FREM3: variants seen among roughly 807,000 people sequenced by gnomAD.
FREM3 encodes the protein FRAS1 related extracellular matrix 3.
Under a neutral mutation model 129.1 loss-of-function variants are expected in FREM3, and 105 were observed. The observed-to-expected ratio is 0.81, with a 90% CI of 0.69 to 0.96. The LOEUF is 0.96. Among genes scored for constraint, FREM3 ranks in the 40% least tolerant of loss-of-function variants. The pLI is 0.00. For missense variants in FREM3, 2,593 were observed against 2,666.3 expected (o/e 0.97, Z 0.61); for synonymous variants, 1,014 against 1,044.9 (o/e 0.97, Z 0.57).
intron 4 of FREM3, among the ~76,000 whole-genome samples, chr4:143,622,243 G>A (rs565202339): frequency 6.6e-5 from 10 of 151,786 alleles, no homozygotes; most frequent in South Asian, 4.2e-4. Flanking sequence ...ACAGGCATGC[G>A]CTACCAGGCC....
chr4:143,671,310 C>T (rs1056345433), intron 2 of FREM3, among the ~76,000 whole-genome samples: 11 of 152,070 alleles, frequency 7.2e-5, no homozygotes, highest in Non-Finnish European at 8.8e-5. Flanking sequence ...TCTCCCTCTC[C>T]GCTTTAACTC....
At chr4:143,610,599 A>G (rs1251573824) in intron 6 of FREM3, among the ~76,000 whole-genome samples, 1 of 152,184 alleles carries the variant, frequency 6.6e-6, no homozygotes, top group Non-Finnish European at 1.5e-5. Flanking sequence ...AAGCAGTCAC[A>G]CTAATTTGAG....
At chr4:143,600,897 C>A (rs1039964424) in intron 6 of FREM3, among the ~76,000 whole-genome samples, 1 of 151,888 alleles carries the variant, frequency 6.6e-6, no homozygotes, top group African/African-American at 2.4e-5. Flanking sequence ...ATTTCTATTG[C>A]AAGCAAGGGT....
intron 7 of FREM3, among the ~76,000 whole-genome samples, chr4:143,582,874 A>G (rs1738171284): frequency 1.3e-5 from 2 of 149,208 alleles, no homozygotes; most frequent in Non-Finnish European, 3.0e-5. Flanking sequence ...GAAAATATTT[A>G]TTATTTTTAA....
At chr4:143,580,100 G>C (rs969283913) in intron 7 of FREM3, among the ~76,000 whole-genome samples, 2 of 151,994 alleles carry the variant, frequency 1.3e-5, no homozygotes. Flanking sequence ...ACTTAAAAAA[G>C]AATGAAAAAA....
Position 143,697,377 on chromosome 4 carries a change from G to C in FREM3, c.3299C>G (p.Thr1100Ser). Residue 1100 changes from threonine to serine, a missense_variant, in exon 1 of 8, where the codon ACT (threonine) becomes AGT (serine). By Grantham distance (58) the Thr-to-Ser change is moderately conservative (BLOSUM62 1). Coordinates refer to ENST00000329798, the MANE Select transcript of FREM3 (RefSeq NM_001168235.2). ...LQHLHVEDVD[T>S]HQDELLCTVT... ...TGTGCAGAGGAGTTCATCTTGATGA[G>C]TGTCCACATCTTCAACATGGAGATG... 6.5e-7 allele frequency: 1 copy of C among 1,537,186 alleles called. No individual in the cohort carries two copies. The highest frequency in any genetic ancestry group is 2.4e-5 in the East Asian group (1 of 40,912).
chr4:143,589,362 T>C (rs1434725233), intron 6 of FREM3, among the ~76,000 whole-genome samples: 1 of 152,216 alleles, frequency 6.6e-6, no homozygotes, highest in Non-Finnish European at 1.5e-5. Context: ...TCTAGGGTTT[T>C]TATGGTTTCA....
chr4:143,700,582 G>A lies in FREM3; in HGVS notation c.94C>T (p.Arg32Trp), dbSNP rs1740682118. 5 of 1,491,376 alleles carry A rather than the reference G, an allele frequency of 3.4e-6. No homozygotes were observed. The highest frequency in any genetic ancestry group is 3.6e-6 in the Non-Finnish European group (4 of 1,121,502). The allele number at this position is 1,491,376 out of a possible 1,614,324, so 92.4% of individuals were successfully genotyped here. Reference protein sequence around the residue: ...LLLSRPALQGRASSLGTEPDP... With the variant: ...LLLSRPALQGWASSLGTEPDP... ...GGCTCGGTCCCAAGTGAGGATGCCC[G>A]TCCCTGCAGCGCGGGGCGACTCAAG... is the stretch of plus-strand genomic sequence containing the variant. Residue 32 changes from arginine (R) to tryptophan (W), a missense_variant, in exon 1 of 8, where the codon CGG (arginine) becomes TGG (tryptophan). Transcript: ENST00000329798.
At position 143,700,280 on chromosome 4, in the gene FREM3, G is replaced by A. The variant is rs1302101090; in HGVS notation, c.396C>T (p.His132=). ...GCAGCACCCGGGCGCGTCCGGGGCT[G>A]TGGGAGCCGAAGTGAGTGTACTGGA... is the stretch of plus-strand genomic sequence containing the variant. The part of the protein sequence containing the change: ...RQVQYTHFGS[H]SPGRARVLLQ... Residue 132 remains histidine (H), a synonymous_variant, in exon 1 of 8, where the codon CAC becomes CAT. Coordinates refer to ENST00000329798, the MANE Select transcript of FREM3 (RefSeq NM_001168235.2). 2.0e-6 allele frequency: 3 copies of A among 1,536,380 alleles called. No individual in the cohort carries two copies. Among genetic ancestry groups the A allele is most frequent in the Non-Finnish European group, 2.6e-6 (3 of 1,146,744 alleles).
intron 2 of FREM3, among the ~76,000 whole-genome samples, chr4:143,636,740 AT>A (rs564323752): frequency 2.4e-4 from 37 of 152,276 alleles, no homozygotes; most frequent in Non-Finnish European, 4.3e-4. Context: ...AATTTGAAAA[AT>A]AAACACAAAA....
At chr4:143,595,749 G>A (rs1358184503) in intron 6 of FREM3, among the ~76,000 whole-genome samples, 2 of 152,130 alleles carry the variant, frequency 1.3e-5, no homozygotes, top group South Asian at 2.1e-4. Flanking sequence ...TTAGCCAGGT[G>A]TGGTGGCAGG....
Position 143,595,684 on chromosome 4 carries a change from A to C in FREM3, c.6029-9691T>G, listed in dbSNP as rs12512228. ...GGGCGGATCACGAGGTCTGCAGATC[A>C]AGACCATCCTGGCTAACACGGTGAA... On this transcript the variant is annotated intron_variant, in intron 6 of 7. Coordinates refer to ENST00000329798, the MANE Select transcript of FREM3 (RefSeq NM_001168235.2). 9.9e-5 allele frequency among the ~76,000 whole-genome samples: 15 copies of C among 152,182 alleles called. No homozygotes were observed. In the East Asian group the frequency reaches 1.9e-3, roughly 20 times the overall value.
intron 6 of FREM3, among the ~76,000 whole-genome samples, chr4:143,610,084 G>A (rs1360372730): frequency 3.3e-5 from 5 of 152,088 alleles, no homozygotes; most frequent in Admixed American, 2.6e-4. Flanking sequence ...AGTACATGAC[G>A]AAGAAAGCAT....
chr4:143,637,143 CAGTT>C (rs1200987262), intron 2 of FREM3, among the ~76,000 whole-genome samples: 6 of 152,276 alleles, frequency 3.9e-5, no homozygotes, highest in African/African-American at 7.2e-5. Context: ...CACATAGTGT[CAGTT>C]AGTATCATTG....
chr4:143,583,352 A>G (rs757300013), intron 7 of FREM3, among the ~76,000 whole-genome samples: 27 of 152,232 alleles, frequency 1.8e-4, no homozygotes, highest in Non-Finnish European at 3.5e-4. Flanking sequence ...CCTGAAAGAC[A>G]GGGAGAGAAA....
chr4:143,651,340 CTT>C (rs1422845505), intron 2 of FREM3, among the ~76,000 whole-genome samples: 1 of 152,182 alleles, frequency 6.6e-6, no homozygotes, highest in Non-Finnish European at 1.5e-5. Flanking sequence ...AAGATAGAGA[CTT>C]TTGATTTCCT....
chr4:143,631,157 C>T (rs1411812134), intron 2 of FREM3, among the ~76,000 whole-genome samples: 2 of 152,172 alleles, frequency 1.3e-5, no homozygotes, highest in East Asian at 3.9e-4. Context: ...TTCTTGTTAT[C>T]TGCTAAAAAG....
At chr4:143,648,637 A>G (rs1739461039) in intron 2 of FREM3, among the ~76,000 whole-genome samples, 1 of 152,202 alleles carries the variant, frequency 6.6e-6, no homozygotes, top group Admixed American at 6.5e-5. Context: ...CACTAAGTGA[A>G]GAAGGACGTG....
intron 6 of FREM3, among the ~76,000 whole-genome samples, chr4:143,607,356 G>A (rs1483721732): frequency 1.3e-5 from 2 of 151,992 alleles, no homozygotes; most frequent in East Asian, 3.9e-4. Flanking sequence ...CAGCACAAAT[G>A]GTACTTTTTA....
Sources: allele counts gnomAD v4.1 joint callset (sites outside exome capture counted in the v4.1 genomes callset), GRCh38; gene constraint gnomAD v4.1.1; transcripts MANE v1.5; gene names NCBI Gene and HGNC (gene_info 2026-07-23, HGNC 2026-07-21).